The following ANXA8 variants were observed in gnomAD, a reference collection of about 807,000 sequenced individuals.
The protein encoded by ANXA8 is annexin A8, also known as VAC-beta.
ANXA8 carries 9 observed loss-of-function variants against 26.8 expected under a neutral mutation model. That is an observed-to-expected ratio of 0.34 (90% confidence interval 0.20 to 0.59). ANXA8 has a LOEUF of 0.59. ANXA8 is among the 20% of genes least tolerant of loss of function. The pLI is 0.84. For missense variants in ANXA8, 83 were observed against 238.5 expected (o/e 0.35, Z 4.29); for synonymous variants, 39 against 94.8 (o/e 0.41, Z 3.42).
the ANXA8 span, among the ~76,000 whole-genome samples, chr10:47,701,645 G>A: frequency 6.6e-6 from 1 of 151,730 alleles, no homozygotes; most frequent in Admixed American, 6.6e-5. Context: ...AGAAGGATTG[G>A]AGGAATAAGA....
At chr10:47,748,546 A>G in the ANXA8 span, among the ~76,000 whole-genome samples, 1 of 152,160 alleles carries the variant, frequency 6.6e-6, no homozygotes, top group Non-Finnish European at 1.5e-5. Flanking sequence ...TGCAAATGAA[A>G]GACAAGGAAA....
At chr10:47,932,353 A>G in the ANXA8 span, among the ~76,000 whole-genome samples, 1 of 150,880 alleles carries the variant, frequency 6.6e-6, no homozygotes, top group Non-Finnish European at 1.5e-5. Flanking sequence ...TCAGTCAGGC[A>G]CTCAGTAACT....
the ANXA8 span, among the ~76,000 whole-genome samples, chr10:47,755,078 T>A: frequency 2.0e-5 from 3 of 148,808 alleles, no homozygotes; most frequent in Non-Finnish European, 3.0e-5. Flanking sequence ...TGCTTCAGCC[T>A]CCCGAGTAGT....
At chr10:47,959,126 T>G in the ANXA8 span, among the ~76,000 whole-genome samples, 3 of 140,740 alleles carry the variant, frequency 2.1e-5, no homozygotes, top group African/African-American at 5.7e-5. Context: ...TAGGTGGCCT[T>G]GGAGGCCCAG....
At chr10:47,669,658 C>T in the ANXA8 span, among the ~76,000 whole-genome samples, 26 of 151,526 alleles carry the variant, frequency 1.7e-4, 1 homozygote, top group African/African-American at 1.9e-4. Flanking sequence ...GAGGTTGCAG[C>T]GTGCTGAGAT....
the ANXA8 span, chr10:47,920,712 TCA>T: frequency 3.6e-5 from 5 of 137,670 alleles, no homozygotes; most frequent in African/African-American, 1.4e-4. Context: ...TGCATCAGAA[TCA>T]CATAGTCTAC....
At chr10:47,776,606 G>C in the ANXA8 span, among the ~76,000 whole-genome samples, 1 of 152,022 alleles carries the variant, frequency 6.6e-6, no homozygotes, top group Non-Finnish European at 1.5e-5. Context: ...CCCAGATAAA[G>C]TATTTATCAT....
chr10:47,597,439 T>C, the ANXA8 span, among the ~76,000 whole-genome samples: 4 of 146,716 alleles, frequency 2.7e-5, 1 homozygote, highest in African/African-American at 5.3e-5. Flanking sequence ...ACAAAAGGCA[T>C]CCAAATAGGA....
the ANXA8 span, among the ~76,000 whole-genome samples, chr10:47,514,366 T>C: frequency 2.0e-5 from 3 of 148,462 alleles, 1 homozygote; most frequent in African/African-American, 7.7e-5. Flanking sequence ...TAACTCAGCA[T>C]GGAAAACCAA....
the ANXA8 span, among the ~76,000 whole-genome samples, chr10:47,513,594 AAAC>A: frequency 7.1e-6 from 1 of 140,620 alleles, no homozygotes; most frequent in African/African-American, 2.6e-5. Context: ...AACTAAGCAA[AAAC>A]AACAAATCTG....
chr10:47,735,472 C>A, the ANXA8 span, among the ~76,000 whole-genome samples: 3 of 149,258 alleles, frequency 2.0e-5, no homozygotes, highest in South Asian at 6.3e-4. Context: ...TTCTACCAAC[C>A]AAAGCTAATT....
the ANXA8 span, among the ~76,000 whole-genome samples, chr10:47,945,747 A>C: frequency 3.0e-5 from 4 of 131,774 alleles, no homozygotes; most frequent in Non-Finnish European, 4.8e-5. Flanking sequence ...TCAATGGTTA[A>C]GATGTATAGG....
At chr10:47,982,143 A>C in the ANXA8 span, among the ~76,000 whole-genome samples, 1 of 151,406 alleles carries the variant, frequency 6.6e-6, no homozygotes, top group East Asian at 1.9e-4. Flanking sequence ...AAAAAAGATT[A>C]GCTGGGTGTG....
the ANXA8 span, among the ~76,000 whole-genome samples, chr10:47,495,829 G>A: frequency 6.6e-6 from 1 of 151,398 alleles, no homozygotes; most frequent in South Asian, 2.1e-4. Context: ...ACAGGGCATG[G>A]GGGGCAACCC....
the ANXA8 span, among the ~76,000 whole-genome samples, chr10:47,889,016 GTATT>G: frequency 2.3e-3 from 243 of 107,854 alleles, 27 homozygotes; most frequent in Middle Eastern, 8.9e-3. Context: ...GTGTGTGTGT[GTATT>G]TATTTATTTA....
At chr10:47,505,949 G>C in the ANXA8 span, among the ~76,000 whole-genome samples, 76 of 142,406 alleles carry the variant, frequency 5.3e-4, no homozygotes, top group Non-Finnish European at 9.5e-4. Flanking sequence ...AAGCTTTCCT[G>C]TGGACTTTGA....
At chr10:47,682,996 T>C in the ANXA8 span, among the ~76,000 whole-genome samples, 1 of 152,314 alleles carries the variant, frequency 6.6e-6, no homozygotes, top group Non-Finnish European at 1.5e-5. Context: ...CCAAAGACAA[T>C]TGCAAAGGAA....
chr10:47,596,128 C>A, the ANXA8 span, among the ~76,000 whole-genome samples: 48 of 118,468 alleles, frequency 4.1e-4, 4 homozygotes, highest in African/African-American at 1.6e-3. Context: ...CACAGACACT[C>A]ACACACAAAC....
chr10:47,563,776 T>C, the ANXA8 span: 16 of 760,222 alleles, frequency 2.1e-5, 1 homozygote, highest in Non-Finnish European at 3.6e-5. Context: ...AAATATACCT[T>C]ATCGGAACTG....
Sources: gnomAD v4.1 joint callset for allele counts (sites outside exome capture counted in the v4.1 genomes callset) on GRCh38, gnomAD v4.1.1 for gene constraint, MANE v1.5 for transcripts, NCBI Gene and HGNC (gene_info 2026-07-23, HGNC 2026-07-21) for gene names.